Variants in MDGA2 observed in about 807,000 individuals in gnomAD.
MDGA2 encodes the protein MAM domain-containing glycosylphosphatidylinositol anchor protein 2.
Under a neutral mutation model 117.8 loss-of-function variants are expected in MDGA2, and 40 were observed. That is an observed-to-expected ratio of 0.34 (90% CI 0.26 to 0.44). The LOEUF is 0.44. Among genes scored for constraint, MDGA2 ranks in the 20% least tolerant of loss-of-function variants. The pLI, the probability that MDGA2 is intolerant of heterozygous loss-of-function variation, is 1.00. For synonymous variants in MDGA2, 452 were observed against 439.0 expected (o/e 1.03, Z -0.37); for missense variants, 1,123 against 1,250.6 (o/e 0.90, Z 1.54).
intron 1 of MDGA2, among the ~76,000 whole-genome samples, chr14:47,408,056 C>CTTTTTTTTT (rs56285818): frequency 2.6e-5 from 3 of 115,186 alleles, no homozygotes; most frequent in Non-Finnish European, 3.4e-5. Flanking sequence ...GGAGATTATT[C>CTTTTTTTTT]TTTTTTTTTT....
chr14:47,613,339 T>C (rs1307343666), intron 1 of MDGA2, among the ~76,000 whole-genome samples: 1 of 152,088 alleles, frequency 6.6e-6, no homozygotes, highest in Non-Finnish European at 1.5e-5. Context: ...AGCAAAGTTT[T>C]AAACAAAAGA....
rs144143737 is a variant in MDGA2 at position 47,591,409 on chromosome 14, C to T, written c.280+83108G>A. Among the ~76,000 whole-genome samples, 275 of 152,176 alleles carry T rather than the reference C, an allele frequency of 1.8e-3. 1 individual carries two copies. The highest frequency in any genetic ancestry group is 6.4e-3 in the African/African-American group (264 of 41,542). On this transcript the variant is annotated intron_variant, in intron 1 of 16. Transcript: ENST00000399232. ...CCATTTCTTCTGAAACCATTCCAAA[C>T]AATTTAAATGGAGTGACTTCTTCCT... is the stretch of plus-strand genomic sequence containing the variant.
chr14:47,103,485 C>A (rs1880456869), intron 5 of MDGA2, among the ~76,000 whole-genome samples: 1 of 152,142 alleles, frequency 6.6e-6, no homozygotes, highest in African/African-American at 2.4e-5. Context: ...TCTCATGAAG[C>A]CCAAGATTGG....
chr14:47,508,166 A>G (rs1894555663), intron 1 of MDGA2, among the ~76,000 whole-genome samples: 1 of 152,256 alleles, frequency 6.6e-6, no homozygotes, highest in Non-Finnish European at 1.5e-5. Flanking sequence ...ATTCGAAGAA[A>G]GTTATCTCTC....
chr14:47,664,392 T>A (rs1307858891), intron 1 of MDGA2, among the ~76,000 whole-genome samples: 1 of 152,180 alleles, frequency 6.6e-6, no homozygotes, highest in Admixed American at 6.5e-5. Flanking sequence ...TAAGTGTAGA[T>A]TTTTAAGAAC....
intron 1 of MDGA2, among the ~76,000 whole-genome samples, chr14:47,374,463 G>A (rs1224257076): frequency 6.6e-6 from 1 of 152,016 alleles, no homozygotes; most frequent in Non-Finnish European, 1.5e-5. Context: ...AATCTAGGCA[G>A]GGCTCCTGAT....
chr14:47,005,562 T>C (rs555594576), intron 8 of MDGA2, among the ~76,000 whole-genome samples: 26 of 151,532 alleles, frequency 1.7e-4, no homozygotes, highest in Non-Finnish European at 3.7e-4. Context: ...TTTTGGTTGG[T>C]AGGGATTTTT....
intron 2 of MDGA2, among the ~76,000 whole-genome samples, chr14:47,285,381 A>G (rs1174617035): frequency 6.6e-6 from 1 of 152,116 alleles, no homozygotes; most frequent in Non-Finnish European, 1.5e-5. Context: ...CTGTATTATT[A>G]AGACACAGGA....
At chr14:47,543,362 AAC>A (rs775755007) in intron 1 of MDGA2, among the ~76,000 whole-genome samples, 4 of 152,222 alleles carry the variant, frequency 2.6e-5, no homozygotes, top group Non-Finnish European at 5.9e-5. Flanking sequence ...AAGTGTGACA[AAC>A]AACATCAGGA....
intron 1 of MDGA2, among the ~76,000 whole-genome samples, chr14:47,525,088 C>T (rs1459157831): frequency 6.6e-6 from 1 of 152,180 alleles, no homozygotes; most frequent in Non-Finnish European, 1.5e-5. Flanking sequence ...ATTTGTTAAA[C>T]TTGCCTATGT....
At chr14:47,559,133 T>C (rs1474728519) in intron 1 of MDGA2, among the ~76,000 whole-genome samples, 2 of 152,202 alleles carry the variant, frequency 1.3e-5, no homozygotes, top group African/African-American at 2.4e-5. Context: ...GCAGATTTAT[T>C]ACATAGGTAA....
At chr14:47,424,846 A>G (rs1338379480) in intron 1 of MDGA2, among the ~76,000 whole-genome samples, 1 of 152,188 alleles carries the variant, frequency 6.6e-6, no homozygotes, top group Non-Finnish European at 1.5e-5. Flanking sequence ...TGGATAATCC[A>G]AAGCAAACAA....
intron 8 of MDGA2, among the ~76,000 whole-genome samples, chr14:47,002,021 A>G (rs1887548180): frequency 6.6e-6 from 1 of 152,144 alleles, no homozygotes; most frequent in Admixed American, 6.6e-5. Context: ...TGTTATCTCC[A>G]GGTTGTGGAG....
chr14:46,933,132 C>T (rs1230315118), intron 9 of MDGA2, among the ~76,000 whole-genome samples: 1 of 152,070 alleles, frequency 6.6e-6, no homozygotes, highest in Non-Finnish European at 1.5e-5. Context: ...TCCACACATA[C>T]TCCACATCAG....
intron 1 of MDGA2, among the ~76,000 whole-genome samples, chr14:47,592,060 G>T (rs557509222): frequency 6.6e-6 from 1 of 151,872 alleles, no homozygotes; most frequent in African/African-American, 2.4e-5. Context: ...AAAAAAAATC[G>T]ATGTGCAAAA....
At chr14:47,508,617 G>A (rs570875427) in intron 1 of MDGA2, among the ~76,000 whole-genome samples, 1 of 152,140 alleles carries the variant, frequency 6.6e-6, no homozygotes, top group African/African-American at 2.4e-5. Context: ...CAATATAGGA[G>A]GCAATAAGAT....
intron 1 of MDGA2, among the ~76,000 whole-genome samples, chr14:47,507,815 A>G (rs974053028): frequency 2.0e-5 from 3 of 152,216 alleles, no homozygotes; most frequent in Admixed American, 2.0e-4. Flanking sequence ...GAAGAAAATT[A>G]AATTTGGGCT....
chr14:47,052,986 C>T (rs1889510137), intron 7 of MDGA2, among the ~76,000 whole-genome samples: 1 of 151,916 alleles, frequency 6.6e-6, no homozygotes, highest in Admixed American at 6.6e-5. Context: ...AAAATAAGAG[C>T]TCACTTCCAT....
At chr14:47,202,812 CTAATG>C (rs1885556610) in intron 3 of MDGA2, among the ~76,000 whole-genome samples, 2 of 152,110 alleles carry the variant, frequency 1.3e-5, no homozygotes, top group Non-Finnish European at 2.9e-5. Context: ...CAATGGTGCT[CTAATG>C]ACCTTAATGC....
Sources: gnomAD v4.1 joint callset for allele counts (sites outside exome capture counted in the v4.1 genomes callset) on GRCh38, gnomAD v4.1.1 for gene constraint, MANE v1.5 for transcripts, NCBI Gene and HGNC (gene_info 2026-07-23, HGNC 2026-07-21) for gene names.